The following RETREG3 variants were observed in gnomAD, a reference collection of about 807,000 sequenced individuals.
RETREG3 encodes reticulophagy regulator family member 3.
In RETREG3, 23 loss-of-function variants were observed where a neutral mutation model predicts 50.2. The ratio of observed to expected loss-of-function variants is 0.46; its 90% confidence interval spans 0.33 to 0.65. RETREG3 has a LOEUF of 0.65. RETREG3 is among the 30% of genes least tolerant of loss of function. RETREG3 has a pLI of 0.02. For missense variants in RETREG3, 546 were observed against 598.0 expected (o/e 0.91, Z 0.91); for synonymous variants, 240 against 234.4 (o/e 1.02, Z -0.22).
intron 1 of RETREG3, 123 bp from the exon 2 acceptor site, chr17:42,592,285 C>T (rs771507376): frequency 7.5e-5 from 52 of 690,640 alleles, no homozygotes; most frequent in Non-Finnish European, 1.2e-4. Flanking sequence ...TTTGTTCTGA[C>T]ACTTAACTAG....
At chr17:42,582,934 T>C in intron 7 of RETREG3, 128 bp from the exon 8 acceptor site, 1 of 1,243,244 alleles carries the variant, frequency 8.0e-7, no homozygotes. Context: ...CAGGGATAGA[T>C]GGTAACTTCC....
intron 1 of RETREG3, among the ~76,000 whole-genome samples, chr17:42,593,812 A>T (rs2143397249): frequency 1.3e-5 from 2 of 152,298 alleles, no homozygotes; most frequent in Middle Eastern, 6.8e-3. Context: ...TCAGAAACAC[A>T]GATTAGTACA....
At chr17:42,586,379 A>G (rs1010412684) in intron 4 of RETREG3, 21 of 492,782 alleles carry the variant, frequency 4.3e-5, no homozygotes, top group Middle Eastern at 1.1e-3. Flanking sequence ...ATTGGTTTGA[A>G]TAGGACTTAG....
intron 1 of RETREG3, among the ~76,000 whole-genome samples, chr17:42,598,462 T>C (rs2093152398): frequency 6.6e-6 from 1 of 152,142 alleles, no homozygotes; most frequent in African/African-American, 2.4e-5. Context: ...TGAAATCCCA[T>C]TACCCCGTCA....
Position 42,580,724 on chromosome 17 carries a change from G to A in RETREG3, c.*1089C>T, listed in dbSNP as rs1436143081. ...GCAGGCCTGTTCTGCAAAACCAAAGGACAAGTTTGCTTTAAAAAAAAAAAA... is the reference window on the plus strand; with the variant it reads ...GCAGGCCTGTTCTGCAAAACCAAAGAACAAGTTTGCTTTAAAAAAAAAAAA... On this transcript the variant is annotated 3_prime_UTR_variant, in exon 9 of 9. Coordinates refer to ENST00000309428, the MANE Select transcript of RETREG3 (RefSeq NM_178126.4). 6.6e-6 allele frequency: 1 copy of A among 151,676 alleles called. No individual in the cohort carries two copies. The highest frequency in any genetic ancestry group is 1.5e-5 in the Non-Finnish European group (1 of 67,878). The allele number at this position is 151,676 out of a possible 1,614,324, so 9.4% of individuals were successfully genotyped here.
At position 42,588,256 on chromosome 17, in the gene RETREG3, TGTG is replaced by T. The variant is rs996680016; in HGVS notation, c.347-395_347-393del. On this transcript the variant is annotated intron_variant, in intron 2 of 8. Transcript: ENST00000309428. ...ACTCCAACCCTAGAAATCCACCTGTTGTGTTTATTTTTTTTGAGACAGAGTCTT... is the reference window on the plus strand; with the variant it reads ...ACTCCAACCCTAGAAATCCACCTGTTTTTATTTTTTTTGAGACAGAGTCTT... Among the ~76,000 whole-genome samples the T allele has an allele frequency of 1.4e-3, 214 of 152,270 alleles. 1 individual carries two copies. Among genetic ancestry groups the T allele is most frequent in the African/African-American group, 4.9e-3 (203 of 41,532 alleles).
chr17:42,607,631 C>A (rs2093170539), intron 1 of RETREG3, among the ~76,000 whole-genome samples: 1 of 151,346 alleles, frequency 6.6e-6, no homozygotes, highest in Non-Finnish European at 1.5e-5. Context: ...ATGGAGAAAC[C>A]CCATCTCTAC....
chr17:42,603,715 C>A (rs1449864745), intron 1 of RETREG3, among the ~76,000 whole-genome samples: 1 of 152,182 alleles, frequency 6.6e-6, no homozygotes, highest in African/African-American at 2.4e-5. Flanking sequence ...CGGTGGCTCA[C>A]GCCTGTAATC....
chr17:42,602,316 CAA>C (rs71157650), intron 1 of RETREG3, among the ~76,000 whole-genome samples: 1 of 142,752 alleles, frequency 7.0e-6, no homozygotes. Flanking sequence ...GACTCCGTTT[CAA>C]AAAAAAAAAA....
chr17:42,592,255 A>G, intron 1 of RETREG3, 93 bp from the exon 2 acceptor site: 5 of 969,232 alleles, frequency 5.2e-6, no homozygotes, highest in Non-Finnish European at 7.7e-6. Flanking sequence ...TGTGGTAAAC[A>G]GACTTGAGGT....
At chr17:42,601,360 C>A (rs2093158064) in intron 1 of RETREG3, among the ~76,000 whole-genome samples, 1 of 151,746 alleles carries the variant, frequency 6.6e-6, no homozygotes, top group Admixed American at 6.6e-5. Flanking sequence ...ATCACGAGAT[C>A]AGGAGATCGA....
intron 3 of RETREG3, 111 bp from the exon 4 acceptor site, chr17:42,587,002 G>C: frequency 7.0e-7 from 1 of 1,419,704 alleles, no homozygotes; most frequent in Non-Finnish European, 9.6e-7. Context: ...GGAGTGACTA[G>C]GCCCAGGTGC....
Position 42,582,111 on chromosome 17 carries a change from T to C in RETREG3, c.1103A>G (p.Gln368Arg), listed in dbSNP as rs1452171852. Residue 368 changes from glutamine to arginine, a missense_variant, in exon 9 of 9, where the codon CAG becomes CGG. Gln to Arg is a conservative substitution (Grantham distance 43). Transcript: ENST00000309428. ...CTCGTCCCGGCTGGCAGGTGGGGCC[T>C]GGGGCTCCTCAGCCCCTGGCGGAGA... ...YRSPPGAEEPQAPPASRDEAA... is the reference protein window; with the variant it reads ...YRSPPGAEEPRAPPASRDEAA... The C allele has an allele frequency of 1.2e-6, 2 of 1,613,948 alleles. No homozygotes were observed. The highest frequency in any genetic ancestry group is 2.7e-5 in the African/African-American group (2 of 74,898).
At chr17:42,587,071 A>C in intron 3 of RETREG3, 180 bp from the exon 4 acceptor site, 1 of 777,104 alleles carries the variant, frequency 1.3e-6, no homozygotes, top group African/African-American at 1.7e-5. Context: ...GAATTTAGGT[A>C]CAAGGAGGAC....
chr17:42,582,326 C>T lies in RETREG3; in HGVS notation c.944-56G>A, dbSNP rs763932810. ...GCACCTACCTGGCCCTCCTGTGCCCCAGCCCCACATGACCAGATTTTTCCC... is the reference window on the plus strand; with the variant it reads ...GCACCTACCTGGCCCTCCTGTGCCCTAGCCCCACATGACCAGATTTTTCCC... On this transcript the variant is annotated intron_variant, in intron 8 of 8. Coordinates refer to ENST00000309428, the MANE Select transcript of RETREG3 (RefSeq NM_178126.4). The T allele has an allele frequency of 1.2e-5, 18 of 1,513,988 alleles. No individual in the cohort carries two copies. The East Asian group carries it at 1.6e-4, about 13-fold the overall frequency. 93.8% of individuals were successfully genotyped at this position (1,513,988 alleles called of 1,614,324 possible).
chr17:42,609,355 G>C lies in RETREG3; in HGVS notation c.-31C>G, dbSNP rs749580354. On this transcript the variant is annotated 5_prime_UTR_variant, in exon 1 of 9. Coordinates refer to ENST00000309428, the MANE Select transcript of RETREG3 (RefSeq NM_178126.4). Reference sequence around the variant, plus strand: ...CGCGGCAGCCACAACATCCGGGGCCGTGGCCCGACAAGTCACAATAACAGC... The same window carrying C: ...CGCGGCAGCCACAACATCCGGGGCCCTGGCCCGACAAGTCACAATAACAGC... 6.3e-6 allele frequency: 10 copies of C among 1,576,842 alleles called. No homozygotes were observed. In the African/African-American group the frequency reaches 1.2e-4, roughly 19 times the overall value.
chr17:42,603,795 G>A (rs1333920480), intron 1 of RETREG3, among the ~76,000 whole-genome samples: 2 of 152,110 alleles, frequency 1.3e-5, no homozygotes, highest in Non-Finnish European at 2.9e-5. Flanking sequence ...GGCTAAAACG[G>A]TGAAACCCGG....
At chr17:42,593,493 C>A (rs558303609) in intron 1 of RETREG3, among the ~76,000 whole-genome samples, 2 of 151,530 alleles carry the variant, frequency 1.3e-5, no homozygotes, top group South Asian at 4.2e-4. Context: ...ACTAAAAATA[C>A]AAAAAAATTA....
chr17:42,588,259 G>T (rs8073311), intron 2 of RETREG3, among the ~76,000 whole-genome samples: 86,345 of 151,898 alleles, frequency 0.57, 24,817 homozygotes, highest in African/African-American at 0.66. Context: ...CACCTGTTGT[G>T]TTTATTTTTT....
Sources: gnomAD v4.1 joint callset for allele counts (sites outside exome capture counted in the v4.1 genomes callset) on GRCh38, gnomAD v4.1.1 for gene constraint, MANE v1.5 for transcripts, NCBI Gene and HGNC (gene_info 2026-07-23, HGNC 2026-07-21) for gene names.